Variants in GABRB1 observed in about 807,000 individuals in gnomAD.
GABRB1 encodes gamma-aminobutyric acid receptor subunit beta-1.
A neutral mutation model predicts 51.6 loss-of-function variants in GABRB1; 17 were observed. That is an observed-to-expected ratio of 0.33 (90% confidence interval 0.23 to 0.49). GABRB1 has a LOEUF of 0.49. Ranked by LOEUF, GABRB1 falls within the 20% of genes least tolerant of loss-of-function variation. The pLI, the probability that GABRB1 is intolerant of heterozygous loss-of-function variation, is 0.99. For synonymous variants in GABRB1, 247 were observed against 218.9 expected, an observed-to-expected ratio of 1.13 and a Z score of -1.14; for missense variants, 410 against 600.6, an observed-to-expected ratio of 0.68 and a Z score of 3.32.
chr4:47,233,289 G>C (rs1721209894), intron 4 of GABRB1, among the ~76,000 whole-genome samples: 1 of 151,946 alleles, frequency 6.6e-6, no homozygotes, highest in Non-Finnish European at 1.5e-5. Context: ...GAAGCTAATT[G>C]CATCACTCGC....
At chr4:47,243,867 C>T (rs187668428) in intron 4 of GABRB1, among the ~76,000 whole-genome samples, 117 of 152,218 alleles carry the variant, frequency 7.7e-4, no homozygotes, top group South Asian at 7.7e-3. Flanking sequence ...TAATTGAATG[C>T]CCTTTATTTC....
chr4:47,254,770 G>T (rs1472946994), intron 4 of GABRB1, among the ~76,000 whole-genome samples: 1 of 152,072 alleles, frequency 6.6e-6, no homozygotes, highest in African/African-American at 2.4e-5. Flanking sequence ...GGCAATACAA[G>T]TATTTGGGAG....
intron 4 of GABRB1, among the ~76,000 whole-genome samples, chr4:47,161,931 C>A (rs1353534864): frequency 6.6e-6 from 1 of 151,908 alleles, no homozygotes; most frequent in Non-Finnish European, 1.5e-5. Flanking sequence ...TGTCTAAATT[C>A]ACCAATGCCC....
At chr4:47,350,284 T>TAGAG (rs1231169037) in intron 5 of GABRB1, among the ~76,000 whole-genome samples, 14 of 140,056 alleles carry the variant, frequency 1.0e-4, no homozygotes, top group African/African-American at 3.2e-4. Context: ...TATATATATA[T>TAGAG]ATAGAGAGAG....
chr4:47,001,527 C>A (rs1015140575), intron 1 of GABRB1, among the ~76,000 whole-genome samples: 3 of 152,068 alleles, frequency 2.0e-5, no homozygotes, highest in Non-Finnish European at 4.4e-5. Context: ...AACAGATTAC[C>A]CTCCATAATT....
intron 4 of GABRB1, among the ~76,000 whole-genome samples, chr4:47,245,593 C>G (rs1721707750): frequency 6.6e-6 from 1 of 151,996 alleles, no homozygotes; most frequent in Non-Finnish European, 1.5e-5. Flanking sequence ...ACACAGTAGT[C>G]AACAATATGG....
chr4:47,250,604 T>C (rs1402937459), intron 4 of GABRB1, among the ~76,000 whole-genome samples: 1 of 152,180 alleles, frequency 6.6e-6, no homozygotes. Context: ...TTAGGTTTGG[T>C]CATTTAACAT....
chr4:47,186,113 G>A (rs2109776691), intron 4 of GABRB1, among the ~76,000 whole-genome samples: 1 of 151,490 alleles, frequency 6.6e-6, no homozygotes. Context: ...CCATAATATT[G>A]CGCTGACACT....
At chr4:47,071,286 T>C (rs1727324056) in intron 3 of GABRB1, among the ~76,000 whole-genome samples, 1 of 152,230 alleles carries the variant, frequency 6.6e-6, no homozygotes, top group African/African-American at 2.4e-5. Context: ...TCACCATCTA[T>C]GCACAACAGA....
chr4:47,353,438 G>A (rs190633666), intron 5 of GABRB1, among the ~76,000 whole-genome samples: 1 of 152,126 alleles, frequency 6.6e-6, no homozygotes, highest in African/African-American at 2.4e-5. Flanking sequence ...GGTAAATCAA[G>A]GATCAATCTT....
At chr4:47,098,171 CA>C (rs1714541536) in intron 3 of GABRB1, among the ~76,000 whole-genome samples, 1 of 151,772 alleles carries the variant, frequency 6.6e-6, no homozygotes, top group Non-Finnish European at 1.5e-5. Flanking sequence ...CACACACACA[CA>C]CACACACACA....
At chr4:47,115,777 C>T (rs1715451977) in intron 3 of GABRB1, among the ~76,000 whole-genome samples, 1 of 151,950 alleles carries the variant, frequency 6.6e-6, no homozygotes, top group Non-Finnish European at 1.5e-5. Flanking sequence ...AAACAGTTAA[C>T]AGTAATTAGG....
At chr4:47,299,219 A>C (rs2109935067) in intron 4 of GABRB1, among the ~76,000 whole-genome samples, 1 of 152,342 alleles carries the variant, frequency 6.6e-6, no homozygotes, top group Non-Finnish European at 1.5e-5. Context: ...CAATGGCAGC[A>C]AAAGACAAAA....
At chr4:47,375,329 G>A (rs1727340459) in intron 5 of GABRB1, among the ~76,000 whole-genome samples, 1 of 152,150 alleles carries the variant, frequency 6.6e-6, no homozygotes, top group Non-Finnish European at 1.5e-5. Context: ...ACGAAGTTGT[G>A]GAAGCAATCC....
At chr4:47,003,454 G>T (rs566007717) in intron 1 of GABRB1, among the ~76,000 whole-genome samples, 1 of 152,244 alleles carries the variant, frequency 6.6e-6, no homozygotes, top group South Asian at 2.1e-4. Context: ...GAATCCAGGA[G>T]GAAGTTCATT....
chr4:47,255,725 G>C, intron 4 of GABRB1, among the ~76,000 whole-genome samples: 1 of 152,176 alleles, frequency 6.6e-6, no homozygotes, highest in South Asian at 2.1e-4. Flanking sequence ...CCTCTTTCAG[G>C]GAGATTCTGA....
intron 4 of GABRB1, among the ~76,000 whole-genome samples, chr4:47,293,351 C>A (rs559735370): frequency 3.7e-4 from 57 of 152,172 alleles, no homozygotes; most frequent in African/African-American, 1.3e-3. Context: ...TGTTGTCAGG[C>A]TGGTCTCAAA....
chr4:47,194,505 T>G (rs1344688764), intron 4 of GABRB1, among the ~76,000 whole-genome samples: 1 of 152,206 alleles, frequency 6.6e-6, no homozygotes, highest in Non-Finnish European at 1.5e-5. Flanking sequence ...TTATTAAATT[T>G]TTAGTCTTCT....
At chr4:47,114,574 GC>G (rs1207255257) in intron 3 of GABRB1, among the ~76,000 whole-genome samples, 1 of 152,076 alleles carries the variant, frequency 6.6e-6, no homozygotes, top group Non-Finnish European at 1.5e-5. Flanking sequence ...TTGAATTTCT[GC>G]CCAGATATTT....
Sources: gnomAD v4.1 joint callset for allele counts (sites outside exome capture counted in the v4.1 genomes callset) on GRCh38, gnomAD v4.1.1 for gene constraint, MANE v1.5 for transcripts, NCBI Gene and HGNC (gene_info 2026-07-23, HGNC 2026-07-21) for gene names.